CDK6: variants seen among roughly 807,000 people sequenced by gnomAD.
The protein encoded by CDK6 is cyclin dependent kinase 6.
A neutral mutation model predicts 37.1 loss-of-function variants in CDK6; 6 were observed. The ratio of observed to expected loss-of-function variants is 0.16; its 90% CI spans 0.09 to 0.32. The LOEUF (loss-of-function observed/expected upper bound fraction) is 0.32, where lower values mean the gene tolerates loss of function less well. Ranked by LOEUF, CDK6 falls within the 10% of genes least tolerant of loss-of-function variation. The pLI, the probability that CDK6 is intolerant of heterozygous loss-of-function variation, is 1.00. For missense variants in CDK6, 224 were observed against 418.9 expected (o/e 0.53, Z 4.06); for synonymous variants, 160 against 161.3 (o/e 0.99, Z 0.06).
At chr7:92,700,299 C>G (rs1346981607) in intron 4 of CDK6, among the ~76,000 whole-genome samples, 1 of 152,170 alleles carries the variant, frequency 6.6e-6, no homozygotes, top group East Asian at 1.9e-4. Flanking sequence ...CATTTGCATT[C>G]TGGTAACTGT....
intron 5 of CDK6, among the ~76,000 whole-genome samples, chr7:92,652,067 G>A (rs1434477301): frequency 1.3e-5 from 2 of 152,184 alleles, no homozygotes; most frequent in Non-Finnish European, 2.9e-5. Context: ...ATTTCATAAC[G>A]TATTGATAGA....
At chr7:92,703,760 C>T (rs946104530) in intron 4 of CDK6, among the ~76,000 whole-genome samples, 5 of 152,184 alleles carry the variant, frequency 3.3e-5, no homozygotes, top group African/African-American at 1.2e-4. Context: ...TTTTTTCTTG[C>T]TTGTGTCTTA....
chr7:92,717,868 C>T (rs544818858), intron 4 of CDK6, among the ~76,000 whole-genome samples: 46 of 152,356 alleles, frequency 3.0e-4, no homozygotes, highest in Non-Finnish European at 1.3e-4. Flanking sequence ...GGAATACATT[C>T]TCTTTCTACA....
chr7:92,667,632 C>G (rs903475135), intron 5 of CDK6, among the ~76,000 whole-genome samples: 4 of 149,358 alleles, frequency 2.7e-5, no homozygotes, highest in Non-Finnish European at 4.5e-5. Context: ...TCACTGCAAC[C>G]TCTGCCTCTC....
intron 4 of CDK6, chr7:92,725,073 C>T (rs925391333): frequency 6.1e-5 from 60 of 985,274 alleles, no homozygotes; most frequent in East Asian, 1.1e-4. Flanking sequence ...CCGTTGGGTT[C>T]GCTCTTTCTA....
chr7:92,753,726 A>G (rs1350758399), intron 3 of CDK6, among the ~76,000 whole-genome samples: 1 of 152,182 alleles, frequency 6.6e-6, no homozygotes, highest in Non-Finnish European at 1.5e-5. Context: ...TGGTGCCTCA[A>G]GTTTCCTGCC....
chr7:92,673,199 T>C (rs1797129217), intron 4 of CDK6, among the ~76,000 whole-genome samples: 1 of 152,144 alleles, frequency 6.6e-6, no homozygotes, highest in African/African-American at 2.4e-5. Context: ...TGACCTCCCA[T>C]ATAACTGCAG....
In CDK6 at chr7:92,834,152, C is replaced by T. The variant is rs1260470155; in HGVS notation, c.-367-462G>A. ...GGGGTGCCGGAGGGCGTTCAGGGGTCGCGCACAAGCTGGAGCGGAAGGACT... is the reference window on the plus strand; with the variant it reads ...GGGGTGCCGGAGGGCGTTCAGGGGTTGCGCACAAGCTGGAGCGGAAGGACT... On this transcript the variant is annotated intron_variant, in intron 1 of 7. Coordinates refer to ENST00000424848, the MANE Select transcript of CDK6 (RefSeq NM_001145306.2). This position sits in a 1 kb window ranked among gnomAD's most constrained non-coding sequence, Gnocchi z 4.6. Among the ~76,000 whole-genome samples, 1 of 152,074 alleles carries T rather than the reference C, an allele frequency of 6.6e-6. No individual in the cohort carries two copies. Among genetic ancestry groups the T allele is most frequent in the Non-Finnish European group, 1.5e-5 (1 of 68,020 alleles).
At chr7:92,712,196 G>A (rs553738990) in intron 4 of CDK6, among the ~76,000 whole-genome samples, 4 of 151,654 alleles carry the variant, frequency 2.6e-5, no homozygotes, top group East Asian at 1.9e-4. Context: ...TTAAGGGAGC[G>A]GGGACTCGCA....
intron 2 of CDK6, among the ~76,000 whole-genome samples, chr7:92,804,552 A>G (rs1800672094): frequency 6.6e-6 from 1 of 152,168 alleles, no homozygotes; most frequent in Non-Finnish European, 1.5e-5. Flanking sequence ...AAAAATACTA[A>G]TATTAGGAGT....
intron 3 of CDK6, among the ~76,000 whole-genome samples, chr7:92,745,907 C>T (rs1342325047): frequency 6.6e-6 from 1 of 152,142 alleles, no homozygotes; most frequent in Non-Finnish European, 1.5e-5. Flanking sequence ...ATCACCTACC[C>T]TAATCTTAGT....
intron 5 of CDK6, among the ~76,000 whole-genome samples, chr7:92,635,226 G>A (rs1240786031): frequency 1.3e-5 from 2 of 152,178 alleles, no homozygotes; most frequent in Non-Finnish European, 2.9e-5. Context: ...TGGTCACCCT[G>A]GCAAACCGGC....
chr7:92,692,893 T>C lies in CDK6; in HGVS notation c.538-21358A>G, dbSNP rs546980938. Among the ~76,000 whole-genome samples, 10 of 152,360 alleles carry C rather than the reference T, an allele frequency of 6.6e-5. No individual in the cohort carries two copies. In the East Asian group the frequency reaches 1.3e-3, roughly 21 times the overall value. Reference sequence around the variant, plus strand: ...ACAGAACTACACAGGACTAAGCCTTTCTTTGATTTTCCTCGTGTAGAAGAA... The same window carrying C: ...ACAGAACTACACAGGACTAAGCCTTCCTTTGATTTTCCTCGTGTAGAAGAA... On this transcript the variant is annotated intron_variant, in intron 4 of 7. Coordinates refer to ENST00000424848, the MANE Select transcript of CDK6 (RefSeq NM_001145306.2).
At chr7:92,667,661 C>T (rs189335355) in intron 5 of CDK6, among the ~76,000 whole-genome samples, 1 of 151,740 alleles carries the variant, frequency 6.6e-6, no homozygotes, top group Admixed American at 6.6e-5. Context: ...CAGTGATCCT[C>T]CCAACTCAGT....
chr7:92,701,498 C>T (rs547049761), intron 4 of CDK6, among the ~76,000 whole-genome samples: 200 of 152,098 alleles, frequency 1.3e-3, no homozygotes, highest in African/African-American at 4.5e-3. Flanking sequence ...CTCCGCCTCC[C>T]GGGTTCAGGC....
intron 3 of CDK6, among the ~76,000 whole-genome samples, chr7:92,744,815 C>G (rs117273425): frequency 1.3e-5 from 2 of 152,002 alleles, no homozygotes; most frequent in Non-Finnish European, 2.9e-5. Context: ...TCTTGAAACA[C>G]GAAGAGTGGA....
chr7:92,780,377 A>G (rs976962588), intron 2 of CDK6, among the ~76,000 whole-genome samples: 3 of 152,238 alleles, frequency 2.0e-5, no homozygotes, highest in Non-Finnish European at 4.4e-5. Context: ...ATGTATTTAT[A>G]TAAATCAATA....
intron 2 of CDK6, 140 bp from the exon 3 acceptor site, chr7:92,774,971 A>G (rs3731302): frequency 0.036 from 25,810 of 709,442 alleles, 616 homozygotes; most frequent in Non-Finnish European, 0.046. Flanking sequence ...ATATGTAAAG[A>G]TATCAAATGA....
At chr7:92,696,069 TG>T (rs1391914529) in intron 4 of CDK6, among the ~76,000 whole-genome samples, 3 of 152,246 alleles carry the variant, frequency 2.0e-5, no homozygotes, top group African/African-American at 7.2e-5. Context: ...TTGTACAAAG[TG>T]AAAGTTTCCA....
Sources: gnomAD v4.1 joint callset for allele counts (sites outside exome capture counted in the v4.1 genomes callset) on GRCh38, gnomAD v4.1.1 for gene constraint, Gnocchi (gnomAD v3.1) non-coding constraint, MANE v1.5 for transcripts, NCBI Gene and HGNC (gene_info 2026-07-23, HGNC 2026-07-21) for gene names.